The following LARP1B variants were observed in gnomAD, a reference collection of about 807,000 sequenced individuals.
LARP1B encodes the protein La ribonucleoprotein 1B.
A neutral mutation model predicts 114.2 loss-of-function variants in LARP1B; 76 were observed. The observed-to-expected ratio is 0.67, with a 90% CI of 0.55 to 0.81. LARP1B has a LOEUF of 0.81. LARP1B is among the 30% of genes least tolerant of loss of function. The pLI, the probability that LARP1B is intolerant of heterozygous loss-of-function variation, is 0.00. For synonymous variants in LARP1B, 345 were observed against 348.0 expected (o/e 0.99, Z 0.10); for missense variants, 1,014 against 1,075.8 (o/e 0.94, Z 0.80).
intron 12 of LARP1B, among the ~76,000 whole-genome samples, chr4:128,167,016 ATATACATACACACGTGTGTACG>A (rs1279194236): frequency 2.0e-5 from 3 of 149,780 alleles, no homozygotes; most frequent in Non-Finnish European, 3.0e-5. Context: ...ATATATACAT[ATATACATACACACGTGTGTACG>A]TATATATACA....
Position 128,079,384 on chromosome 4 carries a change from C to T in LARP1B, c.217+1422C>T, listed in dbSNP as rs146597239. Among the ~76,000 whole-genome samples, 127 of 151,926 alleles carry T rather than the reference C, an allele frequency of 8.4e-4. 1 individual carries two copies. In the East Asian group the frequency reaches 0.018, roughly 22 times the overall value. The stretch of plus-strand genomic sequence containing the variant: ...TGCTAGGATTACAGGCATGAGCCAC[C>T]GGGCCTGGCCGAATAGTTTGTCTTT... On this transcript the variant is annotated intron_variant, in intron 4 of 19. Transcript: ENST00000326639.
intron 11 of LARP1B, among the ~76,000 whole-genome samples, chr4:128,156,391 T>C (rs1024141064): frequency 1.3e-5 from 2 of 152,126 alleles, no homozygotes; most frequent in Admixed American, 1.3e-4. Flanking sequence ...AGCTGCCCAT[T>C]GTTTCTCTAG....
chr4:128,086,211 T>G (rs1773489850), intron 5 of LARP1B, among the ~76,000 whole-genome samples: 1 of 152,044 alleles, frequency 6.6e-6, no homozygotes, highest in African/African-American at 2.4e-5. Flanking sequence ...TTCACCACAT[T>G]AGCCAGGATG....
At chr4:128,200,490 A>G in intron 16 of LARP1B, 31 bp from the exon 17 acceptor site, 1 of 1,323,204 alleles carries the variant, frequency 7.6e-7, no homozygotes, top group Non-Finnish European at 1.0e-6. Flanking sequence ...AGTATGTTTA[A>G]TAAAATAATA....
intron 12 of LARP1B, among the ~76,000 whole-genome samples, chr4:128,165,599 A>G (rs1740453632): frequency 6.6e-6 from 1 of 152,114 alleles, no homozygotes; most frequent in South Asian, 2.1e-4. Flanking sequence ...TAAGGCATAA[A>G]GAAGGAGTTT....
chr4:128,115,482 G>C (rs914368425), intron 10 of LARP1B, among the ~76,000 whole-genome samples: 8 of 152,058 alleles, frequency 5.3e-5, no homozygotes, highest in Non-Finnish European at 1.2e-4. Context: ...GAGACAGGAG[G>C]AACACTTGAG....
chr4:128,213,920 CAGTG>C (rs1357829329), downstream of LARP1B, among the ~76,000 whole-genome samples: 3 of 151,846 alleles, frequency 2.0e-5, no homozygotes, highest in African/African-American at 4.8e-5. Context: ...GAGTGCCAGA[CAGTG>C]GGCGCAGGCC....
intron 1 of LARP1B, among the ~76,000 whole-genome samples, chr4:128,064,997 G>C (rs1040462677): frequency 6.6e-6 from 1 of 152,142 alleles, no homozygotes; most frequent in African/African-American, 2.4e-5. Context: ...CAAATGACCT[G>C]TGAAAAATAT....
chr4:128,192,732 A>C (rs975127860), intron 15 of LARP1B, among the ~76,000 whole-genome samples: 4 of 152,208 alleles, frequency 2.6e-5, no homozygotes, highest in African/African-American at 4.8e-5. Context: ...AACGTACCAC[A>C]GTCTACTTTC....
At chr4:128,131,103 C>G (rs1791435244) in intron 11 of LARP1B, among the ~76,000 whole-genome samples, 1 of 152,158 alleles carries the variant, frequency 6.6e-6, no homozygotes, top group Non-Finnish European at 1.5e-5. Flanking sequence ...GATGACGATA[C>G]ATGTCATTGT....
At position 128,098,661 on chromosome 4, in the gene LARP1B, A is replaced by G. The variant is rs553954237; in HGVS notation, c.813+331A>G. On this transcript the variant is annotated intron_variant, in intron 8 of 19. Coordinates refer to ENST00000326639, the MANE Select transcript of LARP1B (RefSeq NM_018078.4). Reference sequence around the variant, plus strand: ...TTCAGGGCTGGGCGTGGCGGCTCGCACCTGGGTGATAGAGTACAACGGCGC... The same window carrying G: ...TTCAGGGCTGGGCGTGGCGGCTCGCGCCTGGGTGATAGAGTACAACGGCGC... Among the ~76,000 whole-genome samples, 11 of 144,878 alleles carry G rather than the reference A, an allele frequency of 7.6e-5. No homozygotes were observed. The South Asian group carries it at 2.0e-3, about 27-fold the overall frequency.
intron 11 of LARP1B, among the ~76,000 whole-genome samples, chr4:128,146,351 T>A (rs763098326): frequency 6.6e-6 from 1 of 152,188 alleles, no homozygotes; most frequent in African/African-American, 2.4e-5. Flanking sequence ...AATAAGAGAA[T>A]GGTAAAATGG....
chr4:128,207,453 T>G, intron 19 of LARP1B, 70 bp downstream of exon 19: 1 of 1,073,762 alleles, frequency 9.3e-7, no homozygotes, highest in Non-Finnish European at 1.3e-6. Context: ...AGTGACTTTT[T>G]AAGCTTTAAT....
chr4:128,113,781 C>CT (rs1156610852), intron 9 of LARP1B, among the ~76,000 whole-genome samples: 2,641 of 114,170 alleles, frequency 0.023, 102 homozygotes, highest in African/African-American at 0.042. Flanking sequence ...GACATTTACT[C>CT]TTTTTTTTTT....
chr4:128,118,737 T>G (rs1210677602), intron 10 of LARP1B, among the ~76,000 whole-genome samples: 2 of 152,064 alleles, frequency 1.3e-5, no homozygotes, highest in Admixed American at 1.3e-4. Flanking sequence ...TTGTTTTGGT[T>G]GCTTTTTGAA....
At chr4:128,177,276 C>G (rs1746640423) in intron 13 of LARP1B, among the ~76,000 whole-genome samples, 1 of 152,170 alleles carries the variant, frequency 6.6e-6, no homozygotes, top group Non-Finnish European at 1.5e-5. Context: ...TGTAAGTTCA[C>G]TTTTGACTTT....
At chr4:128,061,053 T>C (rs380313), upstream of LARP1B, among the ~76,000 whole-genome samples, 152,087 of 152,090 alleles carry the variant, frequency 1, 76,042 homozygotes, top group Middle Eastern at 1. Flanking sequence ...TGGTGCGCGC[T>C]CCGCCCCTGA....
rs1292336135 is a variant in LARP1B at position 128,176,300 on chromosome 4, TA to T, written c.1649-571del. On this transcript the variant is annotated intron_variant, in intron 12 of 19. Coordinates refer to ENST00000326639, the MANE Select transcript of LARP1B (RefSeq NM_018078.4). Reference sequence around the variant, plus strand: ...GTGTGTGTGTGTATATATATATATATATTTTTTTTTTAGATGAAGTCTTGCT... The same window carrying T: ...GTGTGTGTGTGTATATATATATATATTTTTTTTTTTAGATGAAGTCTTGCT... Among the ~76,000 whole-genome samples, 486 of 144,618 alleles carry T rather than the reference TA, an allele frequency of 3.4e-3. 1 individual carries two copies. The highest frequency in any genetic ancestry group is 5.5e-3 in the African/African-American group (216 of 39,306). 94.9% of individuals were successfully genotyped at this position (144,618 alleles called of 152,430 possible). A position where few individuals can be genotyped will look rare whatever the true frequency, so the allele number is the denominator to read the frequency against.
chr4:128,133,539 A>G (rs910406805), intron 11 of LARP1B, among the ~76,000 whole-genome samples: 24 of 152,252 alleles, frequency 1.6e-4, no homozygotes, highest in African/African-American at 5.8e-4. Flanking sequence ...GGGGCCTTGA[A>G]TAGTCAAAAC....
Sources: allele counts gnomAD v4.1 joint callset (sites outside exome capture counted in the v4.1 genomes callset), GRCh38; gene constraint gnomAD v4.1.1; transcripts MANE v1.5; gene names NCBI Gene and HGNC (gene_info 2026-07-23, HGNC 2026-07-21).